The following USH2A variants were observed in gnomAD, a reference collection of about 807,000 sequenced individuals.
The protein encoded by USH2A is usherin, also known as Usher syndrome 2A (autosomal recessive, mild).
In USH2A, 443 loss-of-function variants were observed where a neutral mutation model predicts 538.9. The ratio of observed to expected loss-of-function variants is 0.82; its 90% CI spans 0.76 to 0.89. The LOEUF (loss-of-function observed/expected upper bound fraction) is 0.89, where lower values mean the gene tolerates loss of function less well. Among genes scored for constraint, USH2A ranks in the 40% least tolerant of loss-of-function variants. The pLI, the probability that USH2A is intolerant of heterozygous loss-of-function variation, is 0.00. For synonymous variants in USH2A, 2,413 were observed against 2,273.5 expected, an observed-to-expected ratio of 1.06 and a Z score of -1.75; for missense variants, 6,633 against 6,324.8, an observed-to-expected ratio of 1.05 and a Z score of -1.65.
chr1:215,710,467 A>C (rs949041030), intron 61 of USH2A, among the ~76,000 whole-genome samples: 1 of 152,122 alleles, frequency 6.6e-6, no homozygotes, highest in African/African-American at 2.4e-5. Context: ...ATTTTCCAAA[A>C]ACTCTTTCTT....
chr1:216,355,888 C>G (rs2038385162), intron 4 of USH2A, among the ~76,000 whole-genome samples: 1 of 151,924 alleles, frequency 6.6e-6, no homozygotes, highest in East Asian at 1.9e-4. Flanking sequence ...AGTCAATAAA[C>G]TTAATAACTA....
intron 3 of USH2A, among the ~76,000 whole-genome samples, chr1:216,415,520 T>TTTA (rs1558078551): frequency 6.8e-6 from 1 of 147,396 alleles, no homozygotes; most frequent in African/African-American, 2.5e-5. Flanking sequence ...TTTTTTTTTT[T>TTTA]TTTTTTTTTT....
At chr1:216,355,307 A>AAAGAAAGAAAGAAAGAAAGAAAGAAAG (rs2038363602) in intron 4 of USH2A, among the ~76,000 whole-genome samples, 5 of 103,372 alleles carry the variant, frequency 4.8e-5, no homozygotes, top group African/African-American at 2.3e-4. Context: ...CTCTGCTTCA[A>AAAGAAAGAAAGAAAGAAAGAAAGAAAG]AAAGAAAGAA....
intron 4 of USH2A, among the ~76,000 whole-genome samples, chr1:216,361,003 G>A (rs895587324): frequency 6.6e-6 from 1 of 152,050 alleles, no homozygotes; most frequent in Non-Finnish European, 1.5e-5. Flanking sequence ...ATGAAGACAT[G>A]TATGAAGTTA....
chr1:215,801,824 T>A (rs1008274240), intron 49 of USH2A, among the ~76,000 whole-genome samples: 3 of 151,988 alleles, frequency 2.0e-5, no homozygotes, highest in African/African-American at 7.2e-5. Context: ...AAAACAACAT[T>A]GAAAAAGAAC....
Position 216,366,441 on chromosome 1 carries a change from C to T in USH2A, c.652-1356G>A, listed in dbSNP as rs1558056393. On this transcript the variant is annotated intron_variant, in intron 3 of 71. Transcript: ENST00000307340. The stretch of plus-strand genomic sequence containing the variant: ...TTGGGAGATCTCTGAAATTTCCACT[C>T]AGTTTTGCTGTGAGCCTGAAACTGG... Among the ~76,000 whole-genome samples the T allele has an allele frequency of 3.9e-5, 6 of 152,128 alleles. No homozygotes were observed. In the East Asian group the frequency reaches 9.7e-4, roughly 24 times the overall value.
rs4129843 is a variant in USH2A, at chr1:215,813,880, T to C, written c.9595A>G (p.Asn3199Asp). 0.051 allele frequency: 82,839 copies of C among 1,613,676 alleles called. 2,777 individuals are homozygous for C. The highest frequency in any genetic ancestry group is 0.15 in the East Asian group (6,767 of 44,860). Residue 3199 changes from asparagine to aspartate, a missense_variant, in exon 49 of 72, where the codon AAC (asparagine) becomes GAC (aspartate). Physicochemically the swap from Asn to Asp is conservative, Grantham distance 23. Transcript: ENST00000307340. ...CAACAGCGATGTCCAGGCTTGGGGT[T>C]ATAGAGCACTCCGTTACAACAAACC... ...AKVCCNGVLYNPKPGHRCCEE... is the reference protein window; with the variant it reads ...AKVCCNGVLYDPKPGHRCCEE...
chr1:216,287,861 G>A (rs572276748), intron 11 of USH2A, among the ~76,000 whole-genome samples: 41 of 152,212 alleles, frequency 2.7e-4, no homozygotes, highest in East Asian at 5.8e-4. Context: ...TGTAATGACC[G>A]TTTAAAATAA....
chr1:216,060,644 A>G (rs566087755), intron 30 of USH2A, among the ~76,000 whole-genome samples: 29 of 152,334 alleles, frequency 1.9e-4, no homozygotes, highest in African/African-American at 6.3e-4. Flanking sequence ...CTTTAGCTCA[A>G]TGTAATGCAA....
intron 34 of USH2A, among the ~76,000 whole-genome samples, chr1:215,995,569 C>T (rs1050641763): frequency 1.3e-5 from 2 of 151,462 alleles, no homozygotes; most frequent in Non-Finnish European, 2.9e-5. Context: ...TTGACCTGCC[C>T]GCACCAGAGG....
At chr1:216,061,081 C>A (rs1046897093) in intron 30 of USH2A, among the ~76,000 whole-genome samples, 3 of 152,186 alleles carry the variant, frequency 2.0e-5, no homozygotes, top group Admixed American at 6.5e-5. Context: ...CTTGGGAGGG[C>A]ACAGAATCTA....
chr1:216,100,965 A>G (rs1340698047), intron 21 of USH2A, among the ~76,000 whole-genome samples: 1 of 152,230 alleles, frequency 6.6e-6, no homozygotes, highest in Non-Finnish European at 1.5e-5. Flanking sequence ...ATTTCTTAAG[A>G]AGGGAAGCTA....
intron 37 of USH2A, among the ~76,000 whole-genome samples, chr1:215,953,241 A>AG (rs1026011968): frequency 2.6e-4 from 40 of 152,330 alleles, no homozygotes; most frequent in African/African-American, 9.4e-4. Flanking sequence ...AACCAAAAAA[A>AG]GAGCCCGCAT....
intron 46 of USH2A, among the ~76,000 whole-genome samples, chr1:215,838,573 G>A (rs1571735808): frequency 1.3e-5 from 2 of 151,804 alleles, no homozygotes; most frequent in East Asian, 3.9e-4. Flanking sequence ...GCCTAGAGAA[G>A]CCTTCCAATA....
chr1:216,053,454 C>CTTTTTTTT (rs34981846), intron 30 of USH2A, among the ~76,000 whole-genome samples: 1 of 111,182 alleles, frequency 9.0e-6, no homozygotes, highest in African/African-American at 3.3e-5. Context: ...CCAGAGAAGT[C>CTTTTTTTT]TTTTTTTTTT....
At chr1:215,948,090 A>G (rs577807552) in intron 37 of USH2A, among the ~76,000 whole-genome samples, 2 of 152,188 alleles carry the variant, frequency 1.3e-5, no homozygotes, top group South Asian at 4.1e-4. Context: ...ACTGAGGCCT[A>G]AGGTCTTTAA....
intron 38 of USH2A, among the ~76,000 whole-genome samples, chr1:215,932,746 G>T (rs1666396251): frequency 6.6e-6 from 1 of 151,980 alleles, no homozygotes; most frequent in Admixed American, 6.6e-5. Flanking sequence ...GAGAGTGTGG[G>T]CCTGCAGTGC....
intron 4 of USH2A, among the ~76,000 whole-genome samples, chr1:216,342,840 G>A (rs2038100556): frequency 6.6e-6 from 1 of 152,030 alleles, no homozygotes. Context: ...CCTTTCAGGT[G>A]TGGGGAGGGG....
intron 52 of USH2A, among the ~76,000 whole-genome samples, chr1:215,783,955 G>A (rs548846457): frequency 6.6e-6 from 1 of 152,134 alleles, no homozygotes; most frequent in Non-Finnish European, 1.5e-5. Flanking sequence ...CCTGCCCACT[G>A]TATAGAACTA....
Sources: gnomAD v4.1 joint callset for allele counts (sites outside exome capture counted in the v4.1 genomes callset) on GRCh38, gnomAD v4.1.1 for gene constraint, MANE v1.5 for transcripts, NCBI Gene and HGNC (gene_info 2026-07-23, HGNC 2026-07-21) for gene names.